The following DGLUCY variants were observed in gnomAD, a reference collection of about 807,000 sequenced individuals.
The protein encoded by DGLUCY is D-glutamate cyclase.
DGLUCY carries 58 observed loss-of-function variants against 58.5 expected under a neutral mutation model. The observed-to-expected ratio is 0.99, with a 90% CI of 0.80 to 1.23. DGLUCY has a LOEUF of 1.23. Among genes scored for constraint, DGLUCY ranks in the 50% most tolerant of loss-of-function variants. The pLI is 0.00. For missense variants in DGLUCY, 779 were observed against 784.7 expected (o/e 0.99, Z 0.09); for synonymous variants, 325 against 314.1 (o/e 1.03, Z -0.37).
chr14:91,159,388 A>G (rs1249986680), intron 2 of DGLUCY, among the ~76,000 whole-genome samples: 1 of 152,164 alleles, frequency 6.6e-6, no homozygotes, highest in Non-Finnish European at 1.5e-5. Flanking sequence ...CGGAAGTTGC[A>G]CTGAGCTGAG....
At chr14:91,195,021 A>G (rs2050118579) in intron 9 of DGLUCY, among the ~76,000 whole-genome samples, 1 of 152,156 alleles carries the variant, frequency 6.6e-6, no homozygotes, top group Non-Finnish European at 1.5e-5. Flanking sequence ...CAGTTTTAAC[A>G]TGGGTACGGT....
intron 1 of DGLUCY, among the ~76,000 whole-genome samples, chr14:91,140,967 T>C (rs992120934): frequency 6.6e-6 from 1 of 152,228 alleles, no homozygotes; most frequent in Non-Finnish European, 1.5e-5. Context: ...GTCTGATTGC[T>C]GACCTGTAGA....
At chr14:91,157,564 A>G (rs575166171) in intron 1 of DGLUCY, 75 bp from the exon 2 acceptor site, 4 of 152,238 alleles carry the variant, frequency 2.6e-5, no homozygotes, top group Admixed American at 2.0e-4. Flanking sequence ...ATATGGTGGT[A>G]GTTGCTATCA....
Position 91,074,932 on chromosome 14 carries a change from T to C in DGLUCY, c.-82+14228T>C, listed in dbSNP as rs577112499. Among the ~76,000 whole-genome samples, 13 of 151,848 alleles carry C rather than the reference T, an allele frequency of 8.6e-5. No individual in the cohort carries two copies. In the East Asian group the frequency reaches 1.9e-3, roughly 23 times the overall value. ...TACTAAAAATACAAAATTAGCCGGG[T>C]GTGGTGGCGCATGCCTGTAATCCCA... On this transcript the variant is annotated intron_variant, in intron 1 of 4. Transcript: ENST00000521334.
intron 13 of DGLUCY, chr14:91,220,581 T>TGGC: frequency 2.2e-6 from 1 of 456,346 alleles, no homozygotes; most frequent in Non-Finnish European, 4.4e-6. Context: ...AGATGCCATG[T>TGGC]GGCGTCATGT....
intron 1 of DGLUCY, among the ~76,000 whole-genome samples, chr14:91,068,108 CA>C (rs1566928260): frequency 9.9e-5 from 15 of 152,008 alleles, no homozygotes; most frequent in African/African-American, 3.6e-4. Flanking sequence ...CACACACACA[CA>C]CACACACCCC....
chr14:91,092,432 C>T (rs775864338), intron 1 of DGLUCY, among the ~76,000 whole-genome samples: 1 of 152,202 alleles, frequency 6.6e-6, no homozygotes, highest in Non-Finnish European at 1.5e-5. Flanking sequence ...TTCTAATCTT[C>T]TCAAATATGA....
intron 12 of DGLUCY, among the ~76,000 whole-genome samples, chr14:91,208,465 C>T (rs1298214874): frequency 6.6e-6 from 1 of 152,122 alleles, no homozygotes; most frequent in Non-Finnish European, 1.5e-5. Flanking sequence ...ACCCAAATGA[C>T]AGGCCAGGCA....
At chr14:91,127,894 G>A (rs931807646) in intron 1 of DGLUCY, among the ~76,000 whole-genome samples, 29 of 151,566 alleles carry the variant, frequency 1.9e-4, no homozygotes, top group Non-Finnish European at 3.5e-4. Context: ...GGCTGAAGAA[G>A]GGGCAGCACA....
chr14:91,122,214 T>G (rs2045412601), intron 1 of DGLUCY, among the ~76,000 whole-genome samples: 1 of 151,928 alleles, frequency 6.6e-6, no homozygotes, highest in Admixed American at 6.6e-5. Context: ...CAGGCTGGAG[T>G]GCAGTGGTTC....
intron 8 of DGLUCY, among the ~76,000 whole-genome samples, chr14:91,181,637 TTCTC>T (rs1250821102): frequency 7.0e-6 from 1 of 142,914 alleles, no homozygotes; most frequent in Non-Finnish European, 1.6e-5. Flanking sequence ...CTTTCTTTCT[TTCTC>T]TTTCTTTCTT....
At chr14:91,159,921 C>G (rs976430637) in intron 2 of DGLUCY, among the ~76,000 whole-genome samples, 11 of 152,108 alleles carry the variant, frequency 7.2e-5, no homozygotes, top group Non-Finnish European at 1.3e-4. Context: ...AGTTCAGAGT[C>G]AAGTAGAATA....
chr14:91,198,974 G>C (rs914841560), intron 10 of DGLUCY, among the ~76,000 whole-genome samples: 12 of 152,196 alleles, frequency 7.9e-5, no homozygotes, highest in Admixed American at 7.2e-4. Context: ...TTATTTCTCT[G>C]TTTCTATCTA....
chr14:91,101,624 T>C (rs2044488350), intron 1 of DGLUCY, among the ~76,000 whole-genome samples: 1 of 152,212 alleles, frequency 6.6e-6, no homozygotes, highest in African/African-American at 2.4e-5. Context: ...AAAATTGGCT[T>C]ATGGACGCAT....
intron 1 of DGLUCY, among the ~76,000 whole-genome samples, chr14:91,119,889 C>G (rs1386552820): frequency 1.3e-5 from 2 of 152,120 alleles, no homozygotes; most frequent in East Asian, 3.9e-4. Flanking sequence ...GCTTCCTGCC[C>G]TCAAACATCT....
intron 1 of DGLUCY, among the ~76,000 whole-genome samples, chr14:91,064,731 C>T (rs1416344912): frequency 4.0e-5 from 6 of 151,720 alleles, no homozygotes; most frequent in African/African-American, 1.2e-4. Flanking sequence ...AAAGTATTTC[C>T]AGAAGAAGGG....
intron 9 of DGLUCY, among the ~76,000 whole-genome samples, chr14:91,194,178 A>G (rs1432932327): frequency 3.9e-5 from 6 of 152,196 alleles, no homozygotes; most frequent in Admixed American, 3.9e-4. Flanking sequence ...ACAGCATGTC[A>G]TTGCCCTGTC....
At chr14:91,209,042 A>T (rs56777659) in intron 12 of DGLUCY, among the ~76,000 whole-genome samples, 1 of 151,866 alleles carries the variant, frequency 6.6e-6, no homozygotes, top group Non-Finnish European at 1.5e-5. Flanking sequence ...GGCCAGGCGC[A>T]GTGGCTCACA....
chr14:91,208,783 A>G (rs772731432), intron 12 of DGLUCY, among the ~76,000 whole-genome samples: 3 of 152,148 alleles, frequency 2.0e-5, no homozygotes, highest in Non-Finnish European at 2.9e-5. Context: ...AATGACAGCA[A>G]TGGTACATGG....
Sources: allele counts gnomAD v4.1 joint callset (sites outside exome capture counted in the v4.1 genomes callset), GRCh38; gene constraint gnomAD v4.1.1; transcripts MANE v1.5; gene names NCBI Gene and HGNC (gene_info 2026-07-23, HGNC 2026-07-21).